The following UQCC1 variants were observed in gnomAD, a reference collection of about 807,000 sequenced individuals.
The protein encoded by UQCC1 is ubiquinol-cytochrome c reductase complex assembly factor 1, also known as bFGF-repressed Zic-binding protein.
A neutral mutation model predicts 48.0 loss-of-function variants in UQCC1; 38 were observed. That is an observed-to-expected ratio of 0.79 (90% CI 0.61 to 1.04). The LOEUF (loss-of-function observed/expected upper bound fraction) is 1.04, where lower values mean the gene tolerates loss of function less well. Ranked by LOEUF, UQCC1 falls within the 50% of genes least tolerant of loss-of-function variation. The pLI is 0.00. For synonymous variants in UQCC1, 111 were observed against 129.2 expected, an observed-to-expected ratio of 0.86 and a Z score of 0.95; for missense variants, 368 against 381.8, an observed-to-expected ratio of 0.96 and a Z score of 0.30.
intron 4 of UQCC1, among the ~76,000 whole-genome samples, chr20:35,377,786 T>C (rs2061819423): frequency 6.6e-6 from 1 of 152,244 alleles, no homozygotes; most frequent in Non-Finnish European, 1.5e-5. Flanking sequence ...GGCCCAAGTC[T>C]TTCCTTGAGA....
At position 35,382,029 on chromosome 20, in the gene UQCC1, A is replaced by G. The variant is rs1429145639; in HGVS notation, c.226-4T>C. ...GGGAATCTTTGGTAGTAGAAAGCTG[A>G]TTAACCAAAAAGAAAAAAACTAAAA... On this transcript the variant is annotated splice_region_variant and splice_polypyrimidine_tract_variant and intron_variant, in intron 3 of 9. Coordinates refer to ENST00000374385, the MANE Select transcript of UQCC1 (RefSeq NM_018244.5). The G allele has an allele frequency of 6.4e-7, 1 of 1,574,314 alleles. No individual in the cohort carries two copies. Among genetic ancestry groups the G allele is most frequent in the Non-Finnish European group, 8.6e-7 (1 of 1,163,196 alleles).
intron 7 of UQCC1, among the ~76,000 whole-genome samples, chr20:35,335,543 T>C (rs2061306384): frequency 6.6e-6 from 1 of 152,096 alleles, no homozygotes; most frequent in African/African-American, 2.4e-5. Flanking sequence ...TTTGAAAACA[T>C]TCTGCTAAGT....
chr20:35,372,436 T>C (rs1023003216), intron 5 of UQCC1, among the ~76,000 whole-genome samples: 1 of 152,220 alleles, frequency 6.6e-6, no homozygotes, highest in Non-Finnish European at 1.5e-5. Context: ...AAATATTCTT[T>C]CCAGGTTATG....
Position 35,347,592 on chromosome 20 carries a change from GACAA to G in UQCC1, c.465-324_465-321del, listed in dbSNP as rs558078735. Among the ~76,000 whole-genome samples, 178 of 152,100 alleles carry G rather than the reference GACAA, an allele frequency of 1.2e-3. 1 individual carries two copies. The highest frequency in any genetic ancestry group is 4.2e-3 in the African/African-American group (173 of 41,478). ...AGGGAACCACATTTTTTTGTTAGAA[GACAA>G]ACAAGTCTGAATCCTTCATTTTACT... On this transcript the variant is annotated intron_variant, in intron 6 of 9. Transcript: ENST00000374385.
At chr20:35,360,256 C>T (rs1000787387) in intron 6 of UQCC1, among the ~76,000 whole-genome samples, 3 of 152,122 alleles carry the variant, frequency 2.0e-5, no homozygotes, top group Admixed American at 6.5e-5. Flanking sequence ...GTATAGCAGG[C>T]CTGGGGTTGC....
Position 35,330,913 on chromosome 20 carries a change from T to G in UQCC1, c.574-16148A>C, listed in dbSNP as rs117202756. 1.2e-3 allele frequency among the ~76,000 whole-genome samples: 176 copies of G among 152,208 alleles called. 2 individuals are homozygous for G. The East Asian group carries it at 0.025, about 22-fold the overall frequency. On this transcript the variant is annotated intron_variant, in intron 7 of 9. Transcript: ENST00000374385. ...TCCACTCTTGTAGCTCCAAGATTGG[T>G]GAGTGTTTTTCAGTTCTCCCACTGT...
At chr20:35,355,448 G>A (rs1435227195) in intron 6 of UQCC1, among the ~76,000 whole-genome samples, 1 of 152,130 alleles carries the variant, frequency 6.6e-6, no homozygotes, top group East Asian at 1.9e-4. Context: ...TTTGTGAATC[G>A]AATTTACTAG....
chr20:35,386,785 C>T (rs2061949346), intron 2 of UQCC1, among the ~76,000 whole-genome samples: 1 of 151,842 alleles, frequency 6.6e-6, no homozygotes, highest in Non-Finnish European at 1.5e-5. Context: ...TCTATCCTAC[C>T]ATTAGCTAAC....
chr20:35,360,300 T>G (rs1213767747), intron 6 of UQCC1, among the ~76,000 whole-genome samples: 1 of 152,122 alleles, frequency 6.6e-6, no homozygotes, highest in Non-Finnish European at 1.5e-5. Context: ...GCCCTACAGC[T>G]ACATCAAAAG....
chr20:35,319,376 G>T (rs1400133312), intron 7 of UQCC1, among the ~76,000 whole-genome samples: 1 of 152,152 alleles, frequency 6.6e-6, no homozygotes, highest in Non-Finnish European at 1.5e-5. Flanking sequence ...TGAGCAGCAG[G>T]TCTCAGCTGA....
At chr20:35,398,753 T>TGGC (rs2062117537) in intron 1 of UQCC1, among the ~76,000 whole-genome samples, 2 of 106,420 alleles carry the variant, frequency 1.9e-5, no homozygotes, top group Admixed American at 9.6e-5. Context: ...GGGCCAAAGG[T>TGGC]GGGGGGGGGG....
intron 7 of UQCC1, among the ~76,000 whole-genome samples, chr20:35,334,913 C>T (rs560757186): frequency 3.2e-4 from 48 of 152,250 alleles, no homozygotes; most frequent in African/African-American, 1.1e-3. Context: ...ACTCTCCTCC[C>T]CAGAGAGGTG....
intron 9 of UQCC1, 30 bp from the exon 10 acceptor site, chr20:35,304,099 C>T: frequency 6.2e-7 from 1 of 1,613,428 alleles, no homozygotes; most frequent in Non-Finnish European, 8.5e-7. Flanking sequence ...AAGGAGGAAG[C>T]GACAGAGGCA....
rs139264015 is a variant in UQCC1, at chr20:35,392,214, T to C, written c.129+1878A>G. The C allele has an allele frequency of 4.7e-4, 606 of 1,302,922 alleles. 3 individuals carry two copies. The Middle Eastern group carries it at 0.011, about 24-fold the overall frequency. 80.7% of individuals were successfully genotyped at this position (1,302,922 alleles called of 1,614,324 possible). A position where few individuals can be genotyped will look rare whatever the true frequency, so the allele number is the denominator to read the frequency against. ...ACTCTTTCTCATTCTGAGCCAAATCTTCCTCCCTGTGAGACATGTACCTGA... is the reference window on the plus strand; with the variant it reads ...ACTCTTTCTCATTCTGAGCCAAATCCTCCTCCCTGTGAGACATGTACCTGA... On this transcript the variant is annotated intron_variant, in intron 2 of 9. Coordinates refer to ENST00000374385, the MANE Select transcript of UQCC1 (RefSeq NM_018244.5).
At chr20:35,410,768 A>C (rs1008960681) in intron 1 of UQCC1, among the ~76,000 whole-genome samples, 9 of 142,190 alleles carry the variant, frequency 6.3e-5, no homozygotes, top group Admixed American at 1.5e-4. Flanking sequence ...AAAAAAAAAA[A>C]AAAAAAAAAC....
intron 6 of UQCC1, among the ~76,000 whole-genome samples, chr20:35,350,476 C>G (rs2061478875): frequency 6.6e-6 from 1 of 151,932 alleles, no homozygotes; most frequent in Admixed American, 6.6e-5. Flanking sequence ...GCCAGTGGAT[C>G]ACCTGAGGTC....
chr20:35,370,851 A>C (rs933313180), intron 5 of UQCC1, among the ~76,000 whole-genome samples: 1 of 152,236 alleles, frequency 6.6e-6, no homozygotes, highest in Admixed American at 6.5e-5. Flanking sequence ...TCATTCACAG[A>C]CAATATGTTA....
intron 1 of UQCC1, among the ~76,000 whole-genome samples, chr20:35,405,903 G>C (rs1254920883): frequency 6.6e-6 from 1 of 152,052 alleles, no homozygotes; most frequent in Admixed American, 6.6e-5. Flanking sequence ...ATAAATTCTA[G>C]AATTGAAAAG....
chr20:35,309,495 C>T (rs1002775077), intron 8 of UQCC1, among the ~76,000 whole-genome samples: 1 of 151,840 alleles, frequency 6.6e-6, no homozygotes, highest in Non-Finnish European at 1.5e-5. Flanking sequence ...CTTCCCACCA[C>T]ACTGCTAGTG....
Sources: gnomAD v4.1 joint callset for allele counts (sites outside exome capture counted in the v4.1 genomes callset) on GRCh38, gnomAD v4.1.1 for gene constraint, MANE v1.5 for transcripts, NCBI Gene and HGNC (gene_info 2026-07-23, HGNC 2026-07-21) for gene names.